Variants in PDE4D observed in about 807,000 individuals in gnomAD.
PDE4D encodes phosphodiesterase 4D.
In PDE4D, 24 loss-of-function variants were observed where a neutral mutation model predicts 87.4. That is an observed-to-expected ratio of 0.27 (90% CI 0.20 to 0.39). The LOEUF (loss-of-function observed/expected upper bound fraction) is 0.39, where lower values mean the gene tolerates loss of function less well. PDE4D is among the 10% of genes least tolerant of loss of function. The pLI, the probability that PDE4D is intolerant of heterozygous loss-of-function variation, is 1.00. For synonymous variants in PDE4D, 384 were observed against 383.2 expected (o/e 1.00, Z -0.02); for missense variants, 714 against 1,041.0 (o/e 0.69, Z 4.32).
At chr5:59,919,772 T>C (rs1416145109) in intron 3 of PDE4D, among the ~76,000 whole-genome samples, 1 of 152,194 alleles carries the variant, frequency 6.6e-6, no homozygotes, top group Non-Finnish European at 1.5e-5. Flanking sequence ...TTGGGAACTT[T>C]TATTTTTCAA....
intron 2 of PDE4D, among the ~76,000 whole-genome samples, chr5:60,061,550 T>C (rs528516850): frequency 1.7e-4 from 26 of 152,214 alleles, no homozygotes; most frequent in Non-Finnish European, 2.8e-4. Context: ...CAAACTACCA[T>C]TGACTTTCTT....
chr5:59,198,327 G>A (rs1461349402), intron 2 of PDE4D, among the ~76,000 whole-genome samples: 9 of 152,200 alleles, frequency 5.9e-5, no homozygotes, highest in African/African-American at 1.9e-4. Flanking sequence ...ATGTATGTAT[G>A]CACACATGTA....
intron 5 of PDE4D, among the ~76,000 whole-genome samples, chr5:59,070,510 C>T (rs778118321): frequency 9.2e-5 from 14 of 152,112 alleles, no homozygotes; most frequent in Non-Finnish European, 5.9e-5. Context: ...TACTTCATAG[C>T]GGAAGATAAG....
At chr5:59,318,250 C>T (rs1774106746) in intron 1 of PDE4D, among the ~76,000 whole-genome samples, 1 of 152,036 alleles carries the variant, frequency 6.6e-6, no homozygotes, top group Non-Finnish European at 1.5e-5. Context: ...TCACATTGGT[C>T]TTTTCTGTCA....
chr5:60,272,119 T>A (rs1750875123), intron 1 of PDE4D, among the ~76,000 whole-genome samples: 1 of 152,180 alleles, frequency 6.6e-6, no homozygotes, highest in Non-Finnish European at 1.5e-5. Context: ...CATTAATTTG[T>A]GCTAGAATGT....
intron 1 of PDE4D, among the ~76,000 whole-genome samples, chr5:59,244,981 T>C (rs774301591): frequency 2.6e-5 from 4 of 151,994 alleles, no homozygotes; most frequent in Non-Finnish European, 5.9e-5. Context: ...AGTTCCCAAT[T>C]TGTCCACAAT....
intron 5 of PDE4D, among the ~76,000 whole-genome samples, chr5:59,057,100 C>T (rs1158536599): frequency 3.3e-5 from 5 of 152,152 alleles, no homozygotes; most frequent in South Asian, 2.1e-4. Context: ...TTCTCCTTCA[C>T]GGAAACCTGG....
At chr5:59,649,902 AACCTTTTTTTT>A (rs1180159606) in intron 1 of PDE4D, among the ~76,000 whole-genome samples, 3 of 43,794 alleles carry the variant, frequency 6.9e-5, no homozygotes, top group African/African-American at 2.7e-4. Context: ...ATAGTTTGTG[AACCTTTTTTTT>A]TTTTTTTTTT....
At chr5:59,431,718 TTTC>T (rs1325810883) in intron 1 of PDE4D, among the ~76,000 whole-genome samples, 4 of 152,108 alleles carry the variant, frequency 2.6e-5, no homozygotes, top group African/African-American at 9.7e-5. Flanking sequence ...GTACAGATTA[TTTC>T]ATCATCCAGA....
chr5:60,286,227 A>G (rs975247654), intron 1 of PDE4D, among the ~76,000 whole-genome samples: 18 of 152,198 alleles, frequency 1.2e-4, no homozygotes, highest in African/African-American at 4.3e-4. Context: ...TTAGTGAGAG[A>G]GAAGATTGAT....
At chr5:59,097,568 C>T (rs1454965423) in intron 5 of PDE4D, among the ~76,000 whole-genome samples, 1 of 152,038 alleles carries the variant, frequency 6.6e-6, no homozygotes, top group South Asian at 2.1e-4. Context: ...AACATTGAAG[C>T]AAAACTGAAA....
intron 1 of PDE4D, chr5:59,216,688 C>G (rs1429562246): frequency 1.3e-5 from 2 of 154,806 alleles, no homozygotes; most frequent in Non-Finnish European, 2.9e-5. Context: ...TTGGGTACTT[C>G]TTGCTCAACT....
At position 60,373,008 on chromosome 5, in the gene PDE4D, G is replaced by C. The variant is rs147172695; in HGVS notation, c.-90+114934C>G. Among the ~76,000 whole-genome samples, 57 of 152,298 alleles carry C rather than the reference G, an allele frequency of 3.7e-4. No homozygotes were observed. The East Asian group carries it at 0.01, about 27-fold the overall frequency. ...GAAACCTTATGTTTACCATTGACTA[G>C]CTCAATTATTAACTCCCCTACGTCA... On this transcript the variant is annotated intron_variant, in intron 1 of 16. Transcript: ENST00000502484.
intron 1 of PDE4D, among the ~76,000 whole-genome samples, chr5:60,426,670 T>G (rs1583722937): frequency 6.6e-6 from 1 of 152,084 alleles, no homozygotes; most frequent in African/African-American, 2.4e-5. Flanking sequence ...CCCTAGAACT[T>G]AAAGCATAAT....
At chr5:59,906,443 A>G (rs1000008207) in intron 3 of PDE4D, among the ~76,000 whole-genome samples, 3 of 152,302 alleles carry the variant, frequency 2.0e-5, no homozygotes, top group East Asian at 3.9e-4. Context: ...AACTGTGGCT[A>G]TTAGACAAAT....
At chr5:60,348,134 C>T (rs1216655862) in intron 1 of PDE4D, among the ~76,000 whole-genome samples, 1 of 151,972 alleles carries the variant, frequency 6.6e-6, no homozygotes, top group Non-Finnish European at 1.5e-5. Context: ...TGATACTGTC[C>T]CTTGGCCATG....
At chr5:59,402,392 C>T (rs1790806599) in intron 1 of PDE4D, among the ~76,000 whole-genome samples, 1 of 152,282 alleles carries the variant, frequency 6.6e-6, no homozygotes, top group African/African-American at 2.4e-5. Context: ...CAACTTCACT[C>T]ATCACCAGCA....
At chr5:59,472,494 T>C (rs578100663) in intron 1 of PDE4D, among the ~76,000 whole-genome samples, 48 of 152,336 alleles carry the variant, frequency 3.2e-4, no homozygotes, top group African/African-American at 1.1e-3. Context: ...GCCTGGCAAG[T>C]AGCTTTCTCA....
At chr5:60,221,128 A>C (rs566591660) in intron 1 of PDE4D, among the ~76,000 whole-genome samples, 5 of 152,158 alleles carry the variant, frequency 3.3e-5, no homozygotes, top group African/African-American at 1.2e-4. Context: ...GTCTTTAATA[A>C]TTTGGAGGAC....
Sources: gnomAD v4.1 joint callset for allele counts (sites outside exome capture counted in the v4.1 genomes callset) on GRCh38, gnomAD v4.1.1 for gene constraint, MANE v1.5 for transcripts, NCBI Gene and HGNC (gene_info 2026-07-23, HGNC 2026-07-21) for gene names.